The following MAP2K5 variants were observed in gnomAD, a reference collection of about 807,000 sequenced individuals.
The protein encoded by MAP2K5 is mitogen-activated protein kinase kinase 5.
MAP2K5 carries 49 observed loss-of-function variants against 83.1 expected under a neutral mutation model. The observed-to-expected ratio is 0.59, with a 90% CI of 0.47 to 0.75. The LOEUF (loss-of-function observed/expected upper bound fraction) is 0.75. Ranked by LOEUF, MAP2K5 falls within the 30% of genes least tolerant of loss-of-function variation. The pLI is 0.00. For missense variants in MAP2K5, 457 were observed against 557.5 expected, an observed-to-expected ratio of 0.82 and a Z score of 1.82; for synonymous variants, 202 against 191.8, an observed-to-expected ratio of 1.05 and a Z score of -0.44.
rs546713128 is a variant in MAP2K5, at chr15:67,628,377, G to T, written c.546-2511G>T. The T allele has an allele frequency of 1.1e-5, 6 of 528,518 alleles. No homozygotes were observed. In the Admixed American group the frequency reaches 1.3e-4, roughly 11 times the overall value. The allele number at this position is 528,518 out of a possible 1,614,324, so 32.7% of individuals were successfully genotyped here. On this transcript the variant is annotated intron_variant, in intron 8 of 21. Transcript: ENST00000178640. Reference sequence around the variant, plus strand: ...CACCTGTAATCCCAGCTACTCGGGAGGCTGAGGCAGGAGCATTGCTTGAAC... The same window carrying T: ...CACCTGTAATCCCAGCTACTCGGGATGCTGAGGCAGGAGCATTGCTTGAAC...
At chr15:67,557,149 A>T (rs922007654) in intron 2 of MAP2K5, among the ~76,000 whole-genome samples, 1 of 152,218 alleles carries the variant, frequency 6.6e-6, no homozygotes, top group African/African-American at 2.4e-5. Context: ...ACACCAACAC[A>T]TGAGGTGATA....
chr15:67,603,509 A>G (rs76237523), intron 8 of MAP2K5, among the ~76,000 whole-genome samples: 127 of 152,320 alleles, frequency 8.3e-4, no homozygotes, highest in African/African-American at 3.0e-3. Flanking sequence ...ATTCTTATAT[A>G]GTAGATTTCT....
At chr15:67,625,790 T>G (rs1296172918) in intron 8 of MAP2K5, among the ~76,000 whole-genome samples, 2 of 152,168 alleles carry the variant, frequency 1.3e-5, no homozygotes, top group African/African-American at 2.4e-5. Context: ...AACCCAAACT[T>G]CCACGGATGA....
chr15:67,674,850 AG>A (rs2087638652), intron 13 of MAP2K5, among the ~76,000 whole-genome samples: 1 of 152,196 alleles, frequency 6.6e-6, no homozygotes, highest in South Asian at 2.1e-4. Flanking sequence ...CACATGAAAA[AG>A]ATGTTCAATA....
In MAP2K5 at chr15:67,802,536, A is replaced by G. The variant is rs564966255; in HGVS notation, c.1243-4110A>G. Among the ~76,000 whole-genome samples, 2 of 152,334 alleles carry G rather than the reference A, an allele frequency of 1.3e-5. No individual in the cohort carries two copies. The highest frequency in any genetic ancestry group is 2.1e-4 in the South Asian group (1 of 4,826). On this transcript the variant is annotated intron_variant, in intron 21 of 21. Coordinates refer to ENST00000178640, the MANE Select transcript of MAP2K5 (RefSeq NM_145160.3). This position sits in a 1 kb window ranked among gnomAD's most constrained non-coding sequence, Gnocchi z 5.0. ...CAACCCTCGTCAGTTTAATTGTTGC[A>G]ATTGGCCCTCAGAGAATCCAGGGAA...
At chr15:67,582,747 A>G (rs2085207371) in intron 4 of MAP2K5, among the ~76,000 whole-genome samples, 2 of 151,920 alleles carry the variant, frequency 1.3e-5, no homozygotes, top group South Asian at 4.1e-4. Flanking sequence ...CTTGAGCCCA[A>G]GAGGTTGAGG....
chr15:67,599,708 C>T lies in MAP2K5; in HGVS notation c.481-977C>T, dbSNP rs530896319. 5.8e-4 allele frequency among the ~76,000 whole-genome samples: 82 copies of T among 142,060 alleles called. 1 individual carries two copies. The highest frequency in any genetic ancestry group is 2.1e-3 in the African/African-American group (79 of 38,444). The allele number at this position is 142,060 out of a possible 152,430, so 93.2% of individuals were successfully genotyped here. The stretch of plus-strand genomic sequence containing the variant: ...TGATTTTTTTTTTTTTCAGGGCTTG[C>T]AGTGGCTTTCCCCAAGCTTTAGCTA... On this transcript the variant is annotated intron_variant, in intron 7 of 21. Coordinates refer to ENST00000178640, the MANE Select transcript of MAP2K5 (RefSeq NM_145160.3).
At chr15:67,680,760 C>T (rs577590812) in intron 13 of MAP2K5, among the ~76,000 whole-genome samples, 6 of 152,296 alleles carry the variant, frequency 3.9e-5, no homozygotes, top group Admixed American at 2.0e-4. Context: ...ATTGCATCAT[C>T]GTTAAAAAGC....
intron 7 of MAP2K5, among the ~76,000 whole-genome samples, chr15:67,598,048 T>C (rs1256686117): frequency 6.6e-6 from 1 of 151,774 alleles, no homozygotes; most frequent in Non-Finnish European, 1.5e-5. Flanking sequence ...CTACTAAAAG[T>C]ACAAAAATTA....
intron 3 of MAP2K5, among the ~76,000 whole-genome samples, chr15:67,564,049 C>G (rs1237589580): frequency 6.6e-6 from 1 of 152,200 alleles, no homozygotes; most frequent in Non-Finnish European, 1.5e-5. Flanking sequence ...GTGCCTTCCT[C>G]TCAAGTTTTG....
rs932061881 is a variant in MAP2K5, at chr15:67,668,487, A to G, written c.847+3842A>G. On this transcript the variant is annotated intron_variant, in intron 13 of 21. Transcript: ENST00000178640. The surrounding 1 kb of genome is among the most constrained non-coding windows in gnomAD (Gnocchi z 4.0). Reference sequence around the variant, plus strand: ...ATGGGTAAAAACAAAGAAAATGAACAGTGAGAAAATCTGTTAGGCCAGATC... The same window carrying G: ...ATGGGTAAAAACAAAGAAAATGAACGGTGAGAAAATCTGTTAGGCCAGATC... Among the ~76,000 whole-genome samples the G allele has an allele frequency of 3.3e-5, 5 of 152,186 alleles. No individual in the cohort carries two copies. The highest frequency in any genetic ancestry group is 1.9e-4 in the East Asian group (1 of 5,200).
In MAP2K5 at chr15:67,577,166, A is replaced by C. The variant is rs910710713; in HGVS notation, c.253-3588A>C. On this transcript the variant is annotated intron_variant, in intron 3 of 21. Coordinates refer to ENST00000178640, the MANE Select transcript of MAP2K5 (RefSeq NM_145160.3). The surrounding 1 kb of genome is among the most constrained non-coding windows in gnomAD (Gnocchi z 4.1). ...TAGCCGGGATGGTCTCGATCTCCTG[A>C]CCTCATGATCCACCCGCCTCGGCCT... Among the ~76,000 whole-genome samples, 3 of 151,464 alleles carry C rather than the reference A, an allele frequency of 2.0e-5. No individual in the cohort carries two copies. In the South Asian group the frequency reaches 6.3e-4, roughly 32 times the overall value.
At chr15:67,633,770 T>G (rs1456797202) in intron 9 of MAP2K5, among the ~76,000 whole-genome samples, 1 of 152,256 alleles carries the variant, frequency 6.6e-6, no homozygotes, top group Non-Finnish European at 1.5e-5. Context: ...TTATTGTGAT[T>G]AAACATTTGT....
intron 21 of MAP2K5, among the ~76,000 whole-genome samples, chr15:67,792,751 C>T (rs572305092): frequency 7.2e-5 from 11 of 152,308 alleles, no homozygotes; most frequent in East Asian, 1.9e-4. Flanking sequence ...TTCCGCCCCC[C>T]GCTTTGACCA....
chr15:67,771,573 C>G (rs189267135), intron 20 of MAP2K5, among the ~76,000 whole-genome samples: 1 of 152,170 alleles, frequency 6.6e-6, no homozygotes, highest in African/African-American at 2.4e-5. Flanking sequence ...CCAAGAGATA[C>G]AGCTACTTTG....
chr15:67,789,766 A>G (rs1383222728), intron 21 of MAP2K5, among the ~76,000 whole-genome samples: 1 of 151,180 alleles, frequency 6.6e-6, no homozygotes, highest in African/African-American at 2.4e-5. Flanking sequence ...TTTATTAAGT[A>G]TGAGGATTAA....
chr15:67,576,803 G>A (rs2085072548), intron 3 of MAP2K5, among the ~76,000 whole-genome samples: 3 of 147,244 alleles, frequency 2.0e-5, no homozygotes, highest in Admixed American at 2.0e-4. Flanking sequence ...GCTTAATATT[G>A]TTTCAATATG....
chr15:67,697,018 C>G (rs2088281517), intron 15 of MAP2K5, among the ~76,000 whole-genome samples: 1 of 151,988 alleles, frequency 6.6e-6, no homozygotes. Context: ...TTACAGTGTA[C>G]AAACTTGATG....
chr15:67,595,475 A>G (rs979553814), intron 7 of MAP2K5, among the ~76,000 whole-genome samples: 1 of 152,358 alleles, frequency 6.6e-6, no homozygotes, highest in Admixed American at 6.5e-5. Flanking sequence ...AGACCTTTAC[A>G]TATAAAATAA....
Sources: allele counts gnomAD v4.1 joint callset (sites outside exome capture counted in the v4.1 genomes callset), GRCh38; gene constraint gnomAD v4.1.1; non-coding constraint Gnocchi (gnomAD v3.1); transcripts MANE v1.5; gene names NCBI Gene and HGNC (gene_info 2026-07-23, HGNC 2026-07-21).